The following DLG1 variants were observed in gnomAD, a reference collection of about 807,000 sequenced individuals.
The protein encoded by DLG1 is disks large homolog 1.
DLG1 carries 42 observed loss-of-function variants against 123.4 expected under a neutral mutation model. The observed-to-expected ratio is 0.34, with a 90% CI of 0.27 to 0.44. DLG1 has a LOEUF of 0.44. Ranked by LOEUF, DLG1 falls within the 20% of genes least tolerant of loss-of-function variation. The pLI is 1.00. For synonymous variants in DLG1, 317 were observed against 356.2 expected (o/e 0.89, Z 1.24); for missense variants, 942 against 1,082.6 (o/e 0.87, Z 1.82).
At position 197,114,912 on chromosome 3, in the gene DLG1, G is replaced by A. The variant is rs185016961; in HGVS notation, c.1443+1015C>T. ...GGAGAATGGCATGAACCCGGGAGGC[G>A]GAGCTTGCAGTGAGCCAAGATCGCG... is the stretch of plus-strand genomic sequence containing the variant. On this transcript the variant is annotated intron_variant, in intron 13 of 24. Transcript: ENST00000667157. Among the ~76,000 whole-genome samples the A allele has an allele frequency of 8.0e-3, 1,208 of 150,790 alleles. 9 individuals carry two copies. The highest frequency in any genetic ancestry group is 0.012 in the Non-Finnish European group (788 of 67,780).
At chr3:197,063,393 A>G (rs978592211) in intron 22 of DLG1, among the ~76,000 whole-genome samples, 2 of 152,122 alleles carry the variant, frequency 1.3e-5, no homozygotes, top group Admixed American at 6.5e-5. Context: ...TCCCATTCCA[A>G]ATTCCCTCTC....
At chr3:197,046,208 A>C (rs538128829) in intron 24 of DLG1, among the ~76,000 whole-genome samples, 59 of 152,284 alleles carry the variant, frequency 3.9e-4, no homozygotes, top group Non-Finnish European at 7.6e-4. Context: ...TAGGTTGACA[A>C]CAGCACGCAA....
At chr3:197,048,252 C>A (rs1223819746) in intron 24 of DLG1, among the ~76,000 whole-genome samples, 2 of 152,204 alleles carry the variant, frequency 1.3e-5, no homozygotes, top group African/African-American at 4.8e-5. Flanking sequence ...GGGCAGATCA[C>A]TTGAGGCCAG....
chr3:197,193,975 A>G (rs1043240514), intron 5 of DLG1, among the ~76,000 whole-genome samples: 1 of 152,032 alleles, frequency 6.6e-6, no homozygotes, highest in Non-Finnish European at 1.5e-5. Context: ...ATGTGTCATC[A>G]TGCCTGGTTA....
chr3:197,251,769 T>C (rs1754550763), intron 4 of DLG1, among the ~76,000 whole-genome samples: 1 of 152,192 alleles, frequency 6.6e-6, no homozygotes, highest in South Asian at 2.1e-4. Context: ...ACTACCCGTC[T>C]GACAAGGGAT....
At chr3:197,198,978 T>A (rs1724129205) in intron 4 of DLG1, among the ~76,000 whole-genome samples, 17 of 152,194 alleles carry the variant, frequency 1.1e-4, no homozygotes, top group Admixed American at 1.1e-3. Flanking sequence ...CCTTCTGAAA[T>A]TAGTTAGTGG....
chr3:197,298,251 G>A (rs993638141), intron 1 of DLG1: 10 of 355,332 alleles, frequency 2.8e-5, no homozygotes, highest in Non-Finnish European at 5.0e-5. Flanking sequence ...GTTGGAAGGG[G>A]GAGGCGGGTC....
At chr3:197,216,620 C>A (rs1451707818) in intron 4 of DLG1, among the ~76,000 whole-genome samples, 1 of 152,130 alleles carries the variant, frequency 6.6e-6, no homozygotes, top group Non-Finnish European at 1.5e-5. Context: ...GTGGGCTGGT[C>A]ACATAGGCAC....
At chr3:197,177,041 C>A (rs1329493460) in intron 5 of DLG1, among the ~76,000 whole-genome samples, 1 of 150,828 alleles carries the variant, frequency 6.6e-6, no homozygotes, top group Non-Finnish European at 1.5e-5. Flanking sequence ...GTTTAAGAAC[C>A]AATTTTTGAG....
At chr3:197,298,947 CTCAT>C (rs891606118), upstream of DLG1, 58 of 187,372 alleles carry the variant, frequency 3.1e-4, no homozygotes, top group Non-Finnish European at 4.6e-4. Flanking sequence ...CATTCATTCG[CTCAT>C]TCATTCATTC....
intron 11 of DLG1, among the ~76,000 whole-genome samples, chr3:197,120,623 G>A (rs1355863106): frequency 6.6e-6 from 1 of 152,164 alleles, no homozygotes; most frequent in African/African-American, 2.4e-5. Flanking sequence ...ATGGAGGGAA[G>A]CAGCATACTA....
intron 13 of DLG1, among the ~76,000 whole-genome samples, chr3:197,110,512 C>T (rs1050386918): frequency 1.6e-4 from 25 of 152,126 alleles, no homozygotes; most frequent in African/African-American, 4.8e-4. Flanking sequence ...TCCCTAGGAA[C>T]GATATCCATT....
At chr3:197,106,798 G>C (rs1043506612) in intron 13 of DLG1, among the ~76,000 whole-genome samples, 2 of 152,142 alleles carry the variant, frequency 1.3e-5, no homozygotes, top group African/African-American at 2.4e-5. Context: ...TTCCAGTACT[G>C]AGAGAGATAC....
At chr3:197,122,973 ACAAAGACAAATAGTTCAAT>A (rs779919701) in intron 11 of DLG1, among the ~76,000 whole-genome samples, 24 of 152,160 alleles carry the variant, frequency 1.6e-4, no homozygotes, top group Non-Finnish European at 3.4e-4. Context: ...TGCAGGTGGT[ACAAAGACAAATAGTTCAAT>A]GAAACAGAAG....
chr3:197,068,768 G>A (rs538468541), intron 19 of DLG1, among the ~76,000 whole-genome samples: 65 of 152,002 alleles, frequency 4.3e-4, no homozygotes, highest in Non-Finnish European at 7.8e-4. Context: ...TATTTCTTCC[G>A]TTCACCAAGT....
chr3:197,258,544 G>A (rs1298299664), intron 4 of DLG1, among the ~76,000 whole-genome samples: 1 of 150,864 alleles, frequency 6.6e-6, no homozygotes, highest in African/African-American at 2.4e-5. Context: ...AGTTCACCGT[G>A]CCTACACAAG....
chr3:197,221,756 C>T (rs1737199193), intron 4 of DLG1, among the ~76,000 whole-genome samples: 1 of 152,170 alleles, frequency 6.6e-6, no homozygotes, highest in African/African-American at 2.4e-5. Flanking sequence ...CTGTAGATTG[C>T]TTTGCCCAAC....
chr3:197,235,855 C>G (rs1006022088), intron 4 of DLG1, among the ~76,000 whole-genome samples: 12 of 152,066 alleles, frequency 7.9e-5, no homozygotes, highest in African/African-American at 2.9e-4. Context: ...GATAAAAACT[C>G]AAAAACACTC....
intron 3 of DLG1, among the ~76,000 whole-genome samples, chr3:197,290,249 A>T (rs1257616618): frequency 6.6e-6 from 1 of 152,232 alleles, no homozygotes; most frequent in Non-Finnish European, 1.5e-5. Context: ...CAAAGTGTTA[A>T]CTGGTAAACC....
Sources: allele counts gnomAD v4.1 joint callset (sites outside exome capture counted in the v4.1 genomes callset), GRCh38; gene constraint gnomAD v4.1.1; transcripts MANE v1.5; gene names NCBI Gene and HGNC (gene_info 2026-07-23, HGNC 2026-07-21).